ANO2: variants seen among roughly 807,000 people sequenced by gnomAD.
ANO2 encodes the protein anoctamin-2.
A neutral mutation model predicts 124.2 loss-of-function variants in ANO2; 101 were observed. The observed-to-expected ratio is 0.81, with a 90% CI of 0.69 to 0.96. The LOEUF is 0.96. Among genes scored for constraint, ANO2 ranks in the 40% least tolerant of loss-of-function variants. The pLI is 0.00. For missense variants in ANO2, 1,293 were observed against 1,274.5 expected, an observed-to-expected ratio of 1.01 and a Z score of -0.22; for synonymous variants, 486 against 482.5, an observed-to-expected ratio of 1.01 and a Z score of -0.09.
chr12:5,675,938 C>T (rs1948222286), intron 14 of ANO2, among the ~76,000 whole-genome samples: 1 of 152,202 alleles, frequency 6.6e-6, no homozygotes, highest in Non-Finnish European at 1.5e-5. Context: ...ACCCTAGCCT[C>T]CTCCTTCCAC....
intron 7 of ANO2, among the ~76,000 whole-genome samples, chr12:5,815,872 A>G (rs769526112): frequency 6.6e-6 from 1 of 152,192 alleles, no homozygotes; most frequent in South Asian, 2.1e-4. Flanking sequence ...CTACTTGTAT[A>G]TAGGTTAAAG....
intron 4 of ANO2, among the ~76,000 whole-genome samples, chr12:5,852,174 C>T (rs2137251316): frequency 6.6e-6 from 1 of 152,310 alleles, no homozygotes; most frequent in South Asian, 2.1e-4. Flanking sequence ...AAACTAGTAT[C>T]ATGTTGCCAG....
intron 13 of ANO2, among the ~76,000 whole-genome samples, chr12:5,737,100 T>C (rs754214158): frequency 1.3e-5 from 2 of 152,238 alleles, no homozygotes; most frequent in Non-Finnish European, 1.5e-5. Flanking sequence ...TTAATGGCCA[T>C]GTTCAGAATT....
At chr12:5,888,970 G>A (rs1234499093) in intron 3 of ANO2, among the ~76,000 whole-genome samples, 2 of 152,206 alleles carry the variant, frequency 1.3e-5, no homozygotes, top group African/African-American at 2.4e-5. Flanking sequence ...GGGAGGCTGG[G>A]GCCACGCAGG....
chr12:5,740,478 T>C (rs1317880132), intron 12 of ANO2: 1 of 155,534 alleles, frequency 6.4e-6, no homozygotes, highest in Admixed American at 6.2e-5. Context: ...AACACCATTC[T>C]AGGCATTGTC....
At chr12:5,876,504 C>A (rs1938111302) in intron 3 of ANO2, among the ~76,000 whole-genome samples, 1 of 152,136 alleles carries the variant, frequency 6.6e-6, no homozygotes, top group Non-Finnish European at 1.5e-5. Context: ...GATTACAAAC[C>A]ATTCTACTAT....
At chr12:5,731,891 G>GCAGGC (rs990439561) in intron 14 of ANO2, among the ~76,000 whole-genome samples, 4 of 152,080 alleles carry the variant, frequency 2.6e-5, no homozygotes, top group African/African-American at 9.7e-5. Flanking sequence ...ATTTGCCACT[G>GCAGGC]CAGGCCCTAA....
At chr12:5,685,062 C>T (rs946260321) in intron 14 of ANO2, among the ~76,000 whole-genome samples, 2 of 152,150 alleles carry the variant, frequency 1.3e-5, no homozygotes, top group African/African-American at 4.8e-5. Context: ...CTTTTTGTTC[C>T]AGACACAGCA....
At chr12:5,884,042 T>C (rs977420037) in intron 3 of ANO2, among the ~76,000 whole-genome samples, 1 of 152,096 alleles carries the variant, frequency 6.6e-6, no homozygotes, top group Non-Finnish European at 1.5e-5. Flanking sequence ...ACACAGGTAA[T>C]GAATAACAGA....
chr12:5,672,094 T>C (rs1195860641), intron 14 of ANO2, among the ~76,000 whole-genome samples: 1 of 152,116 alleles, frequency 6.6e-6, no homozygotes, highest in Non-Finnish European at 1.5e-5. Flanking sequence ...CACCTTAAGC[T>C]CTATCTCGGT....
At chr12:5,647,220 G>A (rs566925620) in intron 15 of ANO2, among the ~76,000 whole-genome samples, 68 of 152,288 alleles carry the variant, frequency 4.5e-4, no homozygotes, top group Middle Eastern at 3.4e-3. Flanking sequence ...AGTCAAATAC[G>A]AATCACAGGG....
intron 14 of ANO2, among the ~76,000 whole-genome samples, chr12:5,727,706 C>T (rs533108240): frequency 1.4e-5 from 2 of 146,534 alleles, no homozygotes; most frequent in African/African-American, 5.0e-5. Context: ...GGCGCAGTCT[C>T]GGCTCACTGC....
chr12:5,882,394 C>G (rs1938563732), intron 3 of ANO2, among the ~76,000 whole-genome samples: 1 of 152,226 alleles, frequency 6.6e-6, no homozygotes, highest in Non-Finnish European at 1.5e-5. Flanking sequence ...CTATGCTGCT[C>G]TATCTTCTCT....
At chr12:5,774,050 C>T (rs1952159131) in intron 10 of ANO2, among the ~76,000 whole-genome samples, 1 of 152,284 alleles carries the variant, frequency 6.6e-6, no homozygotes, top group Non-Finnish European at 1.5e-5. Flanking sequence ...TGAAAAGCAG[C>T]CAGAGACTAG....
At chr12:5,868,222 T>C (rs1022162340) in intron 3 of ANO2, among the ~76,000 whole-genome samples, 8 of 152,104 alleles carry the variant, frequency 5.3e-5, no homozygotes, top group African/African-American at 1.9e-4. Context: ...AAAATGTTTT[T>C]AAAATAAAAA....
At position 5,671,514 on chromosome 12, in the gene ANO2, C is replaced by T. The variant is rs186397930; in HGVS notation, c.1546-23713G>A. Among the ~76,000 whole-genome samples, 340 of 151,336 alleles carry T rather than the reference C, an allele frequency of 2.2e-3. 1 individual carries two copies. Among genetic ancestry groups the T allele is most frequent in the Non-Finnish European group, 3.6e-3 (242 of 67,818 alleles). ...TGTGGGGGGTGGCGGGGGGGAGTGGCGTGTGTGTGTGAGTGTGTGTGTGTG... is the reference window on the plus strand; with the variant it reads ...TGTGGGGGGTGGCGGGGGGGAGTGGTGTGTGTGTGTGAGTGTGTGTGTGTG... On this transcript the variant is annotated intron_variant, in intron 14 of 24. Coordinates refer to ENST00000682330, the MANE Select transcript of ANO2 (RefSeq NM_001364791.2).
chr12:5,671,621 C>G (rs1253000878), intron 14 of ANO2, among the ~76,000 whole-genome samples: 6 of 152,126 alleles, frequency 3.9e-5, no homozygotes, highest in Non-Finnish European at 8.8e-5. Flanking sequence ...ACATGCCCAT[C>G]TGCAGCTCTG....
chr12:5,914,087 C>A (rs1480746120), intron 3 of ANO2, among the ~76,000 whole-genome samples: 1 of 152,108 alleles, frequency 6.6e-6, no homozygotes, highest in African/African-American at 2.4e-5. Context: ...GTAATCCCAG[C>A]TACTCAGGAG....
At chr12:5,631,390 C>T (rs968685104) in intron 16 of ANO2, among the ~76,000 whole-genome samples, 2 of 152,192 alleles carry the variant, frequency 1.3e-5, no homozygotes, top group African/African-American at 4.8e-5. Flanking sequence ...TGACCAACTC[C>T]CCCAGAGTGC....
Sources: gnomAD v4.1 joint callset for allele counts (sites outside exome capture counted in the v4.1 genomes callset) on GRCh38, gnomAD v4.1.1 for gene constraint, MANE v1.5 for transcripts, NCBI Gene and HGNC (gene_info 2026-07-23, HGNC 2026-07-21) for gene names.